Variants in PCLO observed in about 807,000 individuals in gnomAD.
PCLO encodes the protein piccolo presynaptic cytomatrix protein.
Under a neutral mutation model 427.5 loss-of-function variants are expected in PCLO, and 82 were observed. The ratio of observed to expected loss-of-function variants is 0.19; its 90% CI spans 0.16 to 0.23. The LOEUF is 0.23. PCLO is among the 10% of genes least tolerant of loss of function. The probability of loss-of-function intolerance (pLI) is 1.00; values close to 1 mark genes in which losing one functional copy is unlikely to be tolerated. For missense variants in PCLO, 6,239 were observed against 6,115.9 expected (o/e 1.02, Z -0.67); for synonymous variants, 2,357 against 2,155.4 (o/e 1.09, Z -2.59).
chr7:83,025,998 T>A (rs1788484828), intron 3 of PCLO, among the ~76,000 whole-genome samples: 1 of 151,312 alleles, frequency 6.6e-6, no homozygotes, highest in Admixed American at 6.6e-5. Context: ...CGCGGCAAAA[T>A]CATGCCAAAA....
At chr7:82,989,272 C>T (rs911557733) in intron 3 of PCLO, among the ~76,000 whole-genome samples, 12 of 151,994 alleles carry the variant, frequency 7.9e-5, no homozygotes, top group African/African-American at 2.9e-4. Context: ...CAAAAGCAAT[C>T]CAATGAAGTA....
rs778474211 is a variant in PCLO at position 82,955,259 on chromosome 7, C to G, written c.5694G>C (p.Glu1898Asp). 5 of 1,613,404 alleles carry G rather than the reference C, an allele frequency of 3.1e-6. No homozygotes were observed. The highest frequency in any genetic ancestry group is 3.4e-6 in the Non-Finnish European group (4 of 1,179,596). ...TACCTTCTTTCTGCATAATAGATTGCTCATCTGTTGGTGAGTATAATGAAA... is the reference window on the plus strand; with the variant it reads ...TACCTTCTTTCTGCATAATAGATTGGTCATCTGTTGGTGAGTATAATGAAA... ...TAVSLYSPTD[E>D]QSIMQKEGSQ... Residue 1898 changes from glutamate to aspartate, a missense_variant, in exon 5 of 25, where the codon GAG becomes GAC. Physicochemically the swap from Glu to Asp is conservative, Grantham distance 45 (BLOSUM62 2). Coordinates refer to ENST00000333891, the MANE Select transcript of PCLO (RefSeq NM_033026.6).
At chr7:83,056,201 G>A (rs10224876) in intron 3 of PCLO, among the ~76,000 whole-genome samples, 118,006 of 151,944 alleles carry the variant, frequency 0.78, 46,693 homozygotes, top group African/African-American at 0.92. Flanking sequence ...CTAGATATTA[G>A]TAATTATGCT....
chr7:82,784,864 A>AT (rs1291231892), intron 22 of PCLO, among the ~76,000 whole-genome samples: 2 of 151,890 alleles, frequency 1.3e-5, no homozygotes, highest in East Asian at 1.9e-4. Flanking sequence ...GATCTAGATA[A>AT]TTTTTTTCTG....
At position 82,953,252 on chromosome 7, in the gene PCLO, C is replaced by T. The variant is rs1259281765; in HGVS notation, c.7701G>A (p.Lys2567=). The T allele has an allele frequency of 2.5e-6, 4 of 1,613,800 alleles. No homozygotes were observed. The highest frequency in any genetic ancestry group is 2.2e-5 in the South Asian group (2 of 91,074). The change falls in exon 5 of 25, where the codon AAG becomes AAA. Residue 2567 remains lysine (K), a synonymous_variant. Coordinates refer to ENST00000333891, the MANE Select transcript of PCLO (RefSeq NM_033026.6). The part of the protein sequence containing the change: ...PTSPLSPHSN[K]SSPRFSKSLT... ...GGGATTTGGAAAATCTTGGTGAAGA[C>T]TTGTTGGAGTGTGGGGAAAGTGGGG...
chr7:82,792,164 T>C (rs1380942162), intron 22 of PCLO, among the ~76,000 whole-genome samples: 1 of 152,176 alleles, frequency 6.6e-6, no homozygotes, highest in Non-Finnish European at 1.5e-5. Context: ...TTGTAATACC[T>C]ACTACTGAAG....
Position 82,794,457 on chromosome 7 carries a change from T to TC in PCLO, c.15007+7060_15007+7061insG, listed in dbSNP as rs1285678455. ...TGACATGCTAGTTCATAAATTTTTT[T>TC]TCTTTTTTTTTTTTTTTTTTTTTTT... On this transcript the variant is annotated intron_variant, in intron 22 of 24. Transcript: ENST00000333891. Among the ~76,000 whole-genome samples, 4 of 89,974 alleles carry TC rather than the reference T, an allele frequency of 4.4e-5. 1 individual carries two copies. The highest frequency in any genetic ancestry group is 2.3e-4 in the African/African-American group (4 of 17,686). The allele number at this position is 89,974 out of a possible 152,430, so 59.0% of individuals were successfully genotyped here. A position where few individuals can be genotyped will look rare whatever the true frequency, so the allele number is the denominator to read the frequency against.
intron 3 of PCLO, among the ~76,000 whole-genome samples, chr7:83,112,363 A>C (rs1791026377): frequency 6.6e-6 from 1 of 152,024 alleles, no homozygotes; most frequent in African/African-American, 2.4e-5. Flanking sequence ...GCCTGATTGT[A>C]TTTTTTTAAG....
chr7:83,009,698 A>T (rs1355510720), intron 3 of PCLO, among the ~76,000 whole-genome samples: 1 of 151,840 alleles, frequency 6.6e-6, no homozygotes, highest in Non-Finnish European at 1.5e-5. Flanking sequence ...ATAAATACTT[A>T]TTTCTTAGGT....
chr7:82,790,526 TA>T (rs1237329590), intron 22 of PCLO, among the ~76,000 whole-genome samples: 1 of 152,110 alleles, frequency 6.6e-6, no homozygotes, highest in African/African-American at 2.4e-5. Flanking sequence ...AAGAACTATT[TA>T]AAAAAATATT....
At chr7:82,931,010 G>C (rs1794827516) in intron 6 of PCLO, among the ~76,000 whole-genome samples, 1 of 152,128 alleles carries the variant, frequency 6.6e-6, no homozygotes, top group African/African-American at 2.4e-5. Context: ...AACAAGTTAA[G>C]AGCCTTTTAG....
chr7:83,114,171 T>G (rs1791074523), intron 3 of PCLO, among the ~76,000 whole-genome samples: 1 of 152,092 alleles, frequency 6.6e-6, no homozygotes, highest in African/African-American at 2.4e-5. Flanking sequence ...TGAATAAACA[T>G]GTATTGATTA....
chr7:82,967,731 A>G (rs896358761), intron 3 of PCLO, among the ~76,000 whole-genome samples: 2 of 152,204 alleles, frequency 1.3e-5, no homozygotes, highest in Non-Finnish European at 2.9e-5. Context: ...ATGTTAGAAT[A>G]ATACTATTAA....
intron 3 of PCLO, among the ~76,000 whole-genome samples, chr7:83,094,195 G>C (rs1292837840): frequency 1.4e-5 from 2 of 142,838 alleles, no homozygotes; most frequent in African/African-American, 2.6e-5. Flanking sequence ...AACCTTTTGG[G>C]ACTGATTTTT....
At chr7:82,860,305 A>G (rs1281321047) in intron 10 of PCLO, among the ~76,000 whole-genome samples, 2 of 105,216 alleles carry the variant, frequency 1.9e-5, no homozygotes, top group Non-Finnish European at 4.7e-5. Context: ...GTCAAGGATA[A>G]AGCAGCAAGA....
intron 3 of PCLO, among the ~76,000 whole-genome samples, chr7:83,113,876 T>A (rs181353959): frequency 6.6e-6 from 1 of 152,288 alleles, no homozygotes; most frequent in Admixed American, 6.5e-5. Context: ...GTAGACCTCA[T>A]TGAAATCATA....
At chr7:83,147,984 A>T (rs1419985120) in intron 2 of PCLO, among the ~76,000 whole-genome samples, 2 of 152,172 alleles carry the variant, frequency 1.3e-5, no homozygotes, top group Non-Finnish European at 2.9e-5. Flanking sequence ...GAATTTTTTC[A>T]TAAGACAACA....
At chr7:83,150,441 G>A (rs1792100515) in intron 2 of PCLO, among the ~76,000 whole-genome samples, 2 of 152,206 alleles carry the variant, frequency 1.3e-5, no homozygotes, top group Admixed American at 6.5e-5. Flanking sequence ...AGCCTCCAGA[G>A]AAGGCAGTTA....
At chr7:82,761,555 A>G in intron 22 of PCLO, 62 bp from the exon 23 acceptor site, 1 of 1,230,484 alleles carries the variant, frequency 8.1e-7, no homozygotes, top group Non-Finnish European at 1.2e-6. Context: ...TGTTTAGTTC[A>G]GTAATTCATT....
Sources: allele counts gnomAD v4.1 joint callset (sites outside exome capture counted in the v4.1 genomes callset), GRCh38; gene constraint gnomAD v4.1.1; transcripts MANE v1.5; gene names NCBI Gene and HGNC (gene_info 2026-07-23, HGNC 2026-07-21).